Variants in TRIM36 observed in about 807,000 individuals in gnomAD.
TRIM36 encodes the protein E3 ubiquitin-protein ligase TRIM36.
TRIM36 carries 42 observed loss-of-function variants against 72.4 expected under a neutral mutation model. That is an observed-to-expected ratio of 0.58 (90% CI 0.45 to 0.75). The LOEUF is 0.75. Ranked by LOEUF, TRIM36 falls within the 30% of genes least tolerant of loss-of-function variation. The pLI is 0.00. For synonymous variants in TRIM36, 315 were observed against 282.8 expected, an observed-to-expected ratio of 1.11 and a Z score of -1.14; for missense variants, 913 against 857.1, an observed-to-expected ratio of 1.07 and a Z score of -0.81.
intron 2 of TRIM36, among the ~76,000 whole-genome samples, chr5:115,151,817 C>T (rs554340294): frequency 8.4e-4 from 128 of 152,278 alleles, no homozygotes; most frequent in African/African-American, 2.9e-3. Context: ...GAAGGCACAT[C>T]CATAGGAAAT....
upstream of TRIM36, chr5:115,180,252 A>G (rs1755558997): frequency 2.0e-6 from 1 of 495,928 alleles, no homozygotes. Context: ...CCGGCTTGCT[A>G]GGATCCGGGT....
intron 2 of TRIM36, among the ~76,000 whole-genome samples, chr5:115,152,652 A>G (rs1474512408): frequency 2.0e-5 from 3 of 152,210 alleles, no homozygotes; most frequent in Non-Finnish European, 1.5e-5. Flanking sequence ...AACCTATCAG[A>G]TTAACAGCAG....
At chr5:115,177,737 G>A in intron 1 of TRIM36, 1 of 1,614,064 alleles carries the variant, frequency 6.2e-7, no homozygotes, top group Non-Finnish European at 8.5e-7. Context: ...ACAAAACAGA[G>A]AGAGGAATTG....
intron 1 of TRIM36, among the ~76,000 whole-genome samples, chr5:115,175,922 C>T (rs1221237292): frequency 2.6e-5 from 4 of 152,026 alleles, no homozygotes; most frequent in Non-Finnish European, 4.4e-5. Context: ...GTCAGGAGTT[C>T]GAGACCAGCC....
intron 4 of TRIM36, among the ~76,000 whole-genome samples, chr5:115,143,104 A>G (rs925384517): frequency 1.2e-4 from 18 of 151,698 alleles, no homozygotes; most frequent in African/African-American, 4.1e-4. Flanking sequence ...GTCCTCATCA[A>G]CTCTTGTGTG....
intron 2 of TRIM36, among the ~76,000 whole-genome samples, chr5:115,160,714 C>T (rs1754438570): frequency 6.6e-6 from 1 of 152,094 alleles, no homozygotes; most frequent in Non-Finnish European, 1.5e-5. Flanking sequence ...GAGTGAGTAG[C>T]ATGCACCTCT....
At chr5:115,158,525 C>T (rs1222585142) in intron 2 of TRIM36, among the ~76,000 whole-genome samples, 1 of 152,222 alleles carries the variant, frequency 6.6e-6, no homozygotes, top group Non-Finnish European at 1.5e-5. Context: ...CTGCGACTTC[C>T]CCATCGCTAT....
At chr5:115,173,356 C>G (rs1195609624), upstream of TRIM36, among the ~76,000 whole-genome samples, 2 of 152,200 alleles carry the variant, frequency 1.3e-5, no homozygotes, top group Non-Finnish European at 2.9e-5. Context: ...GCCTAGATTA[C>G]AACAGTAGCC....
intron 1 of TRIM36, among the ~76,000 whole-genome samples, chr5:115,176,373 T>C (rs1755340635): frequency 6.6e-6 from 1 of 152,188 alleles, no homozygotes; most frequent in African/African-American, 2.4e-5. Flanking sequence ...AAGTTTGTGT[T>C]TGTAAAAATT....
chr5:115,129,801 C>G (rs1752552295), intron 9 of TRIM36, among the ~76,000 whole-genome samples: 1 of 151,988 alleles, frequency 6.6e-6, no homozygotes, highest in Non-Finnish European at 1.5e-5. Context: ...GAAACATGTT[C>G]CCCATTTTTT....
intron 4 of TRIM36, among the ~76,000 whole-genome samples, chr5:115,143,932 G>T (rs1399860516): frequency 6.6e-6 from 1 of 151,970 alleles, no homozygotes; most frequent in Non-Finnish European, 1.5e-5. Flanking sequence ...GTGCAGTGGC[G>T]CGATCTCAGC....
chr5:115,136,254 A>G (rs1299120236), intron 7 of TRIM36, among the ~76,000 whole-genome samples: 1 of 150,680 alleles, frequency 6.6e-6, no homozygotes, highest in Non-Finnish European at 1.5e-5. Context: ...CCCTACTCCA[A>G]TATGACTGGT....
chr5:115,178,464 C>A (rs534819689), intron 1 of TRIM36, among the ~76,000 whole-genome samples: 1 of 152,278 alleles, frequency 6.6e-6, no homozygotes, highest in East Asian at 1.9e-4. Flanking sequence ...TGGTTGCCTG[C>A]CTCTTTGCTC....
In TRIM36 at chr5:115,163,592, T is replaced by G; in HGVS notation, c.188A>C (p.Asn63Thr). The change falls in exon 2 of 10, where the codon AAC (asparagine) becomes ACC (threonine). Residue 63 changes from asparagine to threonine, a missense_variant. Physicochemically the swap from Asn to Thr is moderately conservative, Grantham distance 65. Transcript: ENST00000513154. ...DDSFNDVGSD[N>T]SNQSSPRLRL... ...AAGTCGAGGACTGCTTTGATTGGAG[T>G]TGTCTGATCCCACATCGTTGAATGA... 1 of 1,614,118 alleles carries G rather than the reference T, an allele frequency of 6.2e-7. No homozygotes were observed.
intron 4 of TRIM36, among the ~76,000 whole-genome samples, chr5:115,143,749 G>T (rs1753414882): frequency 6.6e-6 from 1 of 152,140 alleles, no homozygotes; most frequent in Non-Finnish European, 1.5e-5. Context: ...TAAAAATATT[G>T]TTTAAAGGGA....
upstream of TRIM36, among the ~76,000 whole-genome samples, chr5:115,171,891 G>A (rs1293404640): frequency 1.3e-5 from 2 of 152,218 alleles, no homozygotes; most frequent in African/African-American, 4.8e-5. Flanking sequence ...GGTTTTAGTT[G>A]TGTGAGCAAC....
In TRIM36 at chr5:115,177,771, C is replaced by G. The variant is rs561180231; in HGVS notation, c.63+2204G>C. 1.3e-5 allele frequency: 21 copies of G among 1,614,142 alleles called. No homozygotes were observed. The South Asian group carries it at 2.3e-4, about 18-fold the overall frequency. Reference sequence around the variant, plus strand: ...TGTCCTAAGTTCTTCTTGGGAGAGACTGCTTTCCAACCTCAGAGATTTCAA... The same window carrying G: ...TGTCCTAAGTTCTTCTTGGGAGAGAGTGCTTTCCAACCTCAGAGATTTCAA... On this transcript the variant is annotated intron_variant, in intron 1 of 9. Coordinates refer to the TRIM36 transcript ENST00000282369.
At chr5:115,135,635 C>T (rs1752924707) in intron 7 of TRIM36, among the ~76,000 whole-genome samples, 1 of 152,110 alleles carries the variant, frequency 6.6e-6, no homozygotes, top group Admixed American at 6.6e-5. Context: ...ACCTTTCCAG[C>T]AACCATTTTG....
At chr5:115,163,956 G>C (rs1317161963) in intron 1 of TRIM36, among the ~76,000 whole-genome samples, 2 of 152,064 alleles carry the variant, frequency 1.3e-5, no homozygotes, top group Non-Finnish European at 2.9e-5. Context: ...AGGAACATGA[G>C]ATAGTAAAAG....
Sources: allele counts gnomAD v4.1 joint callset (sites outside exome capture counted in the v4.1 genomes callset), GRCh38; gene constraint gnomAD v4.1.1; transcripts MANE v1.5; gene names NCBI Gene and HGNC (gene_info 2026-07-23, HGNC 2026-07-21).